The following SHTN1 variants were observed in gnomAD, a reference collection of about 807,000 sequenced individuals.
SHTN1 encodes the protein shootin 1, also known as shootin-1.
SHTN1 carries 42 observed loss-of-function variants against 83.1 expected under a neutral mutation model. The ratio of observed to expected loss-of-function variants is 0.51; its 90% CI spans 0.39 to 0.65. The LOEUF is 0.65. Among genes scored for constraint, SHTN1 ranks in the 30% least tolerant of loss-of-function variants. The pLI is 0.00. For missense variants in SHTN1, 622 were observed against 737.8 expected, an observed-to-expected ratio of 0.84 and a Z score of 1.82; for synonymous variants, 224 against 247.7, an observed-to-expected ratio of 0.90 and a Z score of 0.90.
chr10:117,119,180 A>C (rs1359846429), intron 1 of SHTN1, among the ~76,000 whole-genome samples: 1 of 152,170 alleles, frequency 6.6e-6, no homozygotes, highest in Non-Finnish European at 1.5e-5. Context: ...TAAGAAGGAT[A>C]GGGGGAGGGA....
At position 116,998,411 on chromosome 10, in the gene SHTN1, A is replaced by G. The variant is rs184650978; in HGVS notation, c.58+6611T>C. On this transcript the variant is annotated intron_variant, in intron 1 of 16. Transcript: ENST00000355371. ...TGAAAATAGATGACTACAGTACCAC[A>G]AGATATTTTGAGAGAGAGAGAGAGA... Among the ~76,000 whole-genome samples the G allele has an allele frequency of 2.5e-3, 375 of 152,272 alleles. 2 individuals are homozygous for G. The highest frequency in any genetic ancestry group is 8.5e-3 in the African/African-American group (354 of 41,564).
intron 9 of SHTN1, among the ~76,000 whole-genome samples, chr10:116,933,745 T>G (rs1439391566): frequency 6.6e-6 from 1 of 152,216 alleles, no homozygotes; most frequent in Non-Finnish European, 1.5e-5. Flanking sequence ...ATCACCACAC[T>G]GTCTTCCACA....
At chr10:116,955,072 T>C (rs1348345826) in intron 4 of SHTN1, among the ~76,000 whole-genome samples, 2 of 142,490 alleles carry the variant, frequency 1.4e-5, no homozygotes, top group African/African-American at 5.3e-5. Flanking sequence ...GTTTCTACTA[T>C]CTCTATTAAA....
chr10:116,889,510 C>T (rs1847268477), intron 16 of SHTN1, among the ~76,000 whole-genome samples: 1 of 152,100 alleles, frequency 6.6e-6, no homozygotes, highest in East Asian at 1.9e-4. Context: ...GCCTTAGAAT[C>T]CCAGTGGAAG....
At chr10:116,954,499 T>C (rs1849902410) in intron 4 of SHTN1, among the ~76,000 whole-genome samples, 2 of 152,180 alleles carry the variant, frequency 1.3e-5, no homozygotes, top group South Asian at 4.1e-4. Context: ...AAAATTCTGA[T>C]TTATAGTCAT....
At chr10:117,066,126 A>C (rs1332108823) in intron 1 of SHTN1, among the ~76,000 whole-genome samples, 1 of 152,192 alleles carries the variant, frequency 6.6e-6, no homozygotes, top group East Asian at 1.9e-4. Context: ...GTTATACACA[A>C]GATTCCATGT....
At chr10:117,115,639 C>T (rs1853835571) in intron 1 of SHTN1, among the ~76,000 whole-genome samples, 1 of 152,202 alleles carries the variant, frequency 6.6e-6, no homozygotes, top group South Asian at 2.1e-4. Context: ...CTCATAGAAG[C>T]ACTGTCACAT....
chr10:117,008,382 GAGA>G (rs1852053000), upstream of SHTN1, among the ~76,000 whole-genome samples: 1 of 151,788 alleles, frequency 6.6e-6, no homozygotes, highest in South Asian at 2.1e-4. Flanking sequence ...ATACAATGAG[GAGA>G]AGAAGGTTCA....
At chr10:116,968,601 T>A in intron 3 of SHTN1, 51 bp downstream of exon 3, 3 of 1,318,044 alleles carry the variant, frequency 2.3e-6, no homozygotes, top group Non-Finnish European at 3.3e-6. Context: ...ACTCACATAA[T>A]CCCCAATAGG....
At chr10:117,107,046 T>C (rs1853679652) in intron 1 of SHTN1, among the ~76,000 whole-genome samples, 1 of 152,184 alleles carries the variant, frequency 6.6e-6, no homozygotes, top group Non-Finnish European at 1.5e-5. Context: ...TTAAAGAGAA[T>C]AGTCAAAAAC....
At chr10:116,942,243 C>T (rs991504525) in intron 8 of SHTN1, among the ~76,000 whole-genome samples, 1 of 149,996 alleles carries the variant, frequency 6.7e-6, no homozygotes, top group African/African-American at 2.5e-5. Flanking sequence ...GATGGAGTCT[C>T]GCTCTGGCAC....
chr10:117,039,546 T>C (rs1564938656), intron 2 of SHTN1, among the ~76,000 whole-genome samples: 2 of 152,020 alleles, frequency 1.3e-5, no homozygotes, highest in Non-Finnish European at 2.9e-5. Flanking sequence ...ATCACTCTGA[T>C]AGGGGATGTT....
At chr10:116,937,255 G>A (rs1275321056) in intron 9 of SHTN1, among the ~76,000 whole-genome samples, 1 of 152,112 alleles carries the variant, frequency 6.6e-6, no homozygotes, top group Non-Finnish European at 1.5e-5. Context: ...TCTTCATAGT[G>A]TCATTAGTCT....
At chr10:116,959,112 A>G (rs1199011334) in intron 4 of SHTN1, among the ~76,000 whole-genome samples, 1 of 152,238 alleles carries the variant, frequency 6.6e-6, no homozygotes, top group Non-Finnish European at 1.5e-5. Context: ...ACACAACATT[A>G]CGGACTAGTG....
At chr10:116,954,483 T>A (rs1222379092) in intron 4 of SHTN1, among the ~76,000 whole-genome samples, 1 of 152,162 alleles carries the variant, frequency 6.6e-6, no homozygotes, top group Non-Finnish European at 1.5e-5. Context: ...CCAGTACAGA[T>A]TAAATAAAAT....
intron 11 of SHTN1, among the ~76,000 whole-genome samples, chr10:116,922,502 G>A (rs1848600403): frequency 6.6e-6 from 1 of 151,990 alleles, no homozygotes; most frequent in Admixed American, 6.6e-5. Context: ...CAGAATACAT[G>A]AACAAGAATG....
At chr10:117,117,723 C>T (rs1853867855) in intron 1 of SHTN1, among the ~76,000 whole-genome samples, 1 of 152,012 alleles carries the variant, frequency 6.6e-6, no homozygotes, top group African/African-American at 2.4e-5. Context: ...AATAAAGAAC[C>T]AAATTATAAA....
chr10:117,088,348 T>C (rs1853380513), intron 1 of SHTN1, among the ~76,000 whole-genome samples: 2 of 152,206 alleles, frequency 1.3e-5, no homozygotes, highest in Non-Finnish European at 2.9e-5. Flanking sequence ...AATTTAGAAA[T>C]GTTTTGTTAT....
chr10:116,983,311 G>A (rs1851096358), intron 1 of SHTN1, among the ~76,000 whole-genome samples: 1 of 152,058 alleles, frequency 6.6e-6, no homozygotes, highest in African/African-American at 2.4e-5. Context: ...GTTAGCTATG[G>A]TTATTATTAC....
Sources: allele counts gnomAD v4.1 joint callset (sites outside exome capture counted in the v4.1 genomes callset), GRCh38; gene constraint gnomAD v4.1.1; transcripts MANE v1.5; gene names NCBI Gene and HGNC (gene_info 2026-07-23, HGNC 2026-07-21).